EML5: variants seen among roughly 807,000 people sequenced by gnomAD.
The protein encoded by EML5 is echinoderm microtubule-associated protein-like 5.
EML5 carries 120 observed loss-of-function variants against 250.0 expected under a neutral mutation model. That is an observed-to-expected ratio of 0.48 (90% CI 0.41 to 0.56). The LOEUF (loss-of-function observed/expected upper bound fraction) is 0.56. Ranked by LOEUF, EML5 falls within the 20% of genes least tolerant of loss-of-function variation. The pLI, the probability that EML5 is intolerant of heterozygous loss-of-function variation, is 0.00. For synonymous variants in EML5, 771 were observed against 806.5 expected, an observed-to-expected ratio of 0.96 and a Z score of 0.75; for missense variants, 2,006 against 2,437.6, an observed-to-expected ratio of 0.82 and a Z score of 3.73.
At chr14:88,640,705 A>G (rs2091013763) in intron 31 of EML5, among the ~76,000 whole-genome samples, 1 of 152,128 alleles carries the variant, frequency 6.6e-6, no homozygotes, top group South Asian at 2.1e-4. Context: ...TAAATAACAA[A>G]ATCAGAGCAG....
chr14:88,627,297 T>C, intron 34 of EML5: 2 of 525,536 alleles, frequency 3.8e-6, no homozygotes. Flanking sequence ...GGTAATATTA[T>C]CCTGCTGATC....
rs1030032720 is a variant in EML5, at chr14:88,757,037, T to G, written c.198-2366A>C. Among the ~76,000 whole-genome samples the G allele has an allele frequency of 6.6e-5, 10 of 152,246 alleles. No individual in the cohort carries two copies. In the East Asian group the frequency reaches 9.6e-4, roughly 15 times the overall value. On this transcript the variant is annotated intron_variant, in intron 1 of 43. Coordinates refer to ENST00000554922, the MANE Select transcript of EML5 (RefSeq NM_183387.3). ...CTATCCTGAAAAACAAGAACAAAGTTGGAAAAATCACACTTTCCAATTTCT... is the reference window on the plus strand; with the variant it reads ...CTATCCTGAAAAACAAGAACAAAGTGGGAAAAATCACACTTTCCAATTTCT...
At chr14:88,742,786 C>T (rs533145990) in intron 4 of EML5, among the ~76,000 whole-genome samples, 1 of 152,140 alleles carries the variant, frequency 6.6e-6, no homozygotes, top group South Asian at 2.1e-4. Context: ...TAAATATTTA[C>T]TACTATCCAT....
intron 24 of EML5, among the ~76,000 whole-genome samples, chr14:88,662,355 T>G (rs1244646334): frequency 6.3e-5 from 9 of 142,484 alleles, no homozygotes; most frequent in African/African-American, 2.5e-4. Context: ...TTTTTTTTTT[T>G]TTTTTTTTTT....
intron 21 of EML5, among the ~76,000 whole-genome samples, chr14:88,674,019 A>C (rs1179964416): frequency 6.6e-6 from 1 of 152,206 alleles, no homozygotes; most frequent in Non-Finnish European, 1.5e-5. Flanking sequence ...CTGTAATCCC[A>C]GCATTTTGGA....
chr14:88,717,507 C>A (rs1047746039), intron 8 of EML5, among the ~76,000 whole-genome samples: 1 of 152,132 alleles, frequency 6.6e-6, no homozygotes, highest in Non-Finnish European at 1.5e-5. Context: ...GCCTGTAATC[C>A]CAGCAGTTTG....
At chr14:88,782,609 G>A (rs1238352991) in intron 1 of EML5, among the ~76,000 whole-genome samples, 3 of 152,222 alleles carry the variant, frequency 2.0e-5, no homozygotes, top group African/African-American at 7.2e-5. Flanking sequence ...GAGACTTGGT[G>A]CCCTGTGTCC....
chr14:88,740,525 A>G lies in EML5; in HGVS notation c.573T>C (p.Phe191=), dbSNP rs1458312670. The change falls in exon 5 of 44, where the codon TTT becomes TTC. Residue 191 remains phenylalanine (F), a synonymous_variant. Coordinates refer to ENST00000554922, the MANE Select transcript of EML5 (RefSeq NM_183387.3). ...TTGTCTGAAGGTCACCCGTCTTACC[A>G]AAGACACCTCGTTTTGGGGTCAGAG... ...GNALTPKRGV[F]GKTGDLQTIL... 1.9e-6 allele frequency: 3 copies of G among 1,613,362 alleles called. No individual in the cohort carries two copies. The Admixed American group carries it at 5.0e-5, about 27-fold the overall frequency.
intron 21 of EML5, among the ~76,000 whole-genome samples, chr14:88,670,548 A>G (rs1044306756): frequency 3.9e-5 from 6 of 152,180 alleles, no homozygotes; most frequent in African/African-American, 1.4e-4. Context: ...GCAAGGGCAC[A>G]GAACTGGGCA....
chr14:88,666,237 T>C (rs548623538), intron 21 of EML5, among the ~76,000 whole-genome samples: 1 of 152,304 alleles, frequency 6.6e-6, no homozygotes, highest in African/African-American at 2.4e-5. Context: ...TAAAAGTAAT[T>C]TTTTTTGAGA....
rs961308679 is a variant in EML5 at position 88,615,747 on chromosome 14, G to A, written c.*71C>T. On this transcript the variant is annotated 3_prime_UTR_variant, in exon 44 of 44. Coordinates refer to ENST00000554922, the MANE Select transcript of EML5 (RefSeq NM_183387.3). The stretch of plus-strand genomic sequence containing the variant: ...GGGTTAGCACCACTTGACCATGCAG[G>A]GTTGGGTTTTGGTTTTTCTTCTCTG... The A allele has an allele frequency of 1.6e-4, 235 of 1,467,838 alleles. 2 individuals carry two copies. The highest frequency in any genetic ancestry group is 1.7e-5 in the Non-Finnish European group (18 of 1,068,624). The allele number at this position is 1,467,838 out of a possible 1,614,324, so 90.9% of individuals were successfully genotyped here.
intron 1 of EML5, among the ~76,000 whole-genome samples, chr14:88,767,388 C>T (rs939141757): frequency 6.6e-6 from 1 of 152,144 alleles, no homozygotes; most frequent in Non-Finnish European, 1.5e-5. Context: ...GAGCTCCGTA[C>T]CCCCTACAAT....
intron 5 of EML5, among the ~76,000 whole-genome samples, chr14:88,739,324 C>T (rs565805536): frequency 1.4e-4 from 21 of 152,122 alleles, no homozygotes; most frequent in African/African-American, 4.8e-4. Context: ...GGATGCAAAA[C>T]CCATAGATAG....
intron 7 of EML5, among the ~76,000 whole-genome samples, chr14:88,729,203 G>A (rs2093714616): frequency 6.6e-6 from 1 of 151,750 alleles, no homozygotes; most frequent in Non-Finnish European, 1.5e-5. Flanking sequence ...ATATACATTT[G>A]GCCTTACTAT....
chr14:88,783,926 T>C (rs572577181), intron 1 of EML5, among the ~76,000 whole-genome samples: 2 of 152,324 alleles, frequency 1.3e-5, no homozygotes, highest in South Asian at 2.1e-4. Context: ...AGACAAGTCT[T>C]AAAATGTTGA....
chr14:88,619,910 C>T (rs1296281382), intron 39 of EML5: 1 of 152,310 alleles, frequency 6.6e-6, no homozygotes, highest in Non-Finnish European at 1.5e-5. Context: ...GGTGATCTGC[C>T]TGCCTCGGCC....
intron 13 of EML5, among the ~76,000 whole-genome samples, chr14:88,703,571 CT>C (rs2093259867): frequency 6.6e-6 from 1 of 152,188 alleles, no homozygotes; most frequent in African/African-American, 2.4e-5. Flanking sequence ...ATAGAAACTA[CT>C]GCCATTTTAA....
At chr14:88,705,720 C>G in intron 11 of EML5, 132 bp from the exon 12 acceptor site, 1 of 715,264 alleles carries the variant, frequency 1.4e-6, no homozygotes. Context: ...ATGAAATTAC[C>G]TATTCAAGTG....
rs751869732 is a variant in EML5 at position 88,688,404 on chromosome 14, A to G, written c.2609T>C (p.Val870Ala). 2.5e-6 allele frequency: 4 copies of G among 1,613,938 alleles called. No individual in the cohort carries two copies. Among genetic ancestry groups the G allele is most frequent in the African/African-American group, 2.7e-5 (2 of 75,026 alleles). ...AGCCATCTCTTCAGTCCATCCATAC[A>G]CTGCACACATCATTGTGTCATTTTT... ...LGKNDTMMCAVYGWTEEMAFS... is the reference protein window; with the variant it reads ...LGKNDTMMCAAYGWTEEMAFS... Residue 870 changes from valine (V) to alanine (A), a missense_variant, in exon 18 of 44, where the codon GTG becomes GCG. Physicochemically the swap from Val to Ala is moderately conservative, Grantham distance 64 (BLOSUM62 0). This residue lies in a region of EML5 where 1,375 missense variants were observed against 1,590.3 expected (regional missense o/e 0.86). Coordinates refer to ENST00000554922, the MANE Select transcript of EML5 (RefSeq NM_183387.3).
Sources: allele counts gnomAD v4.1 joint callset (sites outside exome capture counted in the v4.1 genomes callset), GRCh38; gene constraint gnomAD v4.1.1; regional missense constraint gnomAD v4.1.1; transcripts MANE v1.5; gene names NCBI Gene and HGNC (gene_info 2026-07-23, HGNC 2026-07-21).